EIF4E: variants seen among roughly 807,000 people sequenced by gnomAD.
The protein encoded by EIF4E is eIF-4F 25 kDa subunit.
For synonymous variants in EIF4E, 71 were observed against 88.5 expected, an observed-to-expected ratio of 0.80 and a Z score of 1.11; for missense variants, 113 against 265.6, an observed-to-expected ratio of 0.43 and a Z score of 3.99.
At chr4:98,906,195 C>T (rs905843411) in intron 1 of EIF4E, among the ~76,000 whole-genome samples, 2 of 151,400 alleles carry the variant, frequency 1.3e-5, no homozygotes, top group Non-Finnish European at 2.9e-5. Context: ...TATCTACTTA[C>T]TCACAGGAAC....
intron 1 of EIF4E, among the ~76,000 whole-genome samples, chr4:98,917,236 G>C (rs905954572): frequency 3.3e-5 from 5 of 151,366 alleles, no homozygotes; most frequent in Non-Finnish European, 7.4e-5. Context: ...TTTATGCCCT[G>C]CTAACTGTAT....
intron 5 of EIF4E, 190 bp downstream of exon 5, chr4:98,886,889 A>G (rs1723942258): frequency 3.5e-6 from 2 of 567,136 alleles, no homozygotes; most frequent in East Asian, 3.3e-5. Context: ...TCTGACTTAT[A>G]ATGTGGTAGG....
At chr4:98,916,430 G>A (rs2110216427) in intron 1 of EIF4E, among the ~76,000 whole-genome samples, 1 of 152,124 alleles carries the variant, frequency 6.6e-6, no homozygotes, top group African/African-American at 2.4e-5. Flanking sequence ...TAATATCTGA[G>A]TAACTGTTTC....
chr4:98,893,068 T>G (rs998087304), intron 2 of EIF4E, among the ~76,000 whole-genome samples: 7 of 152,154 alleles, frequency 4.6e-5, no homozygotes, highest in African/African-American at 1.7e-4. Flanking sequence ...TCACACAAAT[T>G]TTTTGGTTTC....
At chr4:98,922,308 A>G (rs997518769) in intron 1 of EIF4E, among the ~76,000 whole-genome samples, 4 of 152,202 alleles carry the variant, frequency 2.6e-5, no homozygotes, top group African/African-American at 9.7e-5. Context: ...CTGTAATCCC[A>G]GCACTTTGGG....
At chr4:98,910,332 A>C (rs1053391861) in intron 1 of EIF4E, among the ~76,000 whole-genome samples, 5 of 152,220 alleles carry the variant, frequency 3.3e-5, no homozygotes, top group Admixed American at 1.3e-4. Context: ...TTCATGTAAA[A>C]GTCCCTGAGA....
At chr4:98,925,579 A>G (rs1459563090) in intron 1 of EIF4E, among the ~76,000 whole-genome samples, 3 of 152,212 alleles carry the variant, frequency 2.0e-5, no homozygotes, top group African/African-American at 7.2e-5. Flanking sequence ...AACAAATTTA[A>G]TATTTGTGGG....
At chr4:98,884,762 C>A (rs555234284) in intron 6 of EIF4E, among the ~76,000 whole-genome samples, 160 bp downstream of exon 6, 1 of 151,874 alleles carries the variant, frequency 6.6e-6, no homozygotes, top group Non-Finnish European at 1.5e-5. Context: ...CAAGACGTTG[C>A]GCACCAATTG....
chr4:98,888,772 A>T (rs908180923), intron 3 of EIF4E, among the ~76,000 whole-genome samples: 1 of 152,174 alleles, frequency 6.6e-6, no homozygotes, highest in Non-Finnish European at 1.5e-5. Flanking sequence ...GGCAGAAATA[A>T]TGATCTTAGC....
At chr4:98,920,685 AC>A (rs1725608157) in intron 1 of EIF4E, among the ~76,000 whole-genome samples, 1 of 152,192 alleles carries the variant, frequency 6.6e-6, no homozygotes, top group African/African-American at 2.4e-5. Context: ...AAGAAAAAAA[AC>A]AAAAAATAAA....
intron 1 of EIF4E, among the ~76,000 whole-genome samples, chr4:98,905,602 T>C (rs373505807): frequency 1.3e-5 from 2 of 152,228 alleles, no homozygotes; most frequent in African/African-American, 4.8e-5. Flanking sequence ...AGCCATTAAC[T>C]AGAAGGTCAA....
At chr4:98,909,229 G>C (rs1407046788) in intron 1 of EIF4E, among the ~76,000 whole-genome samples, 1 of 152,100 alleles carries the variant, frequency 6.6e-6, no homozygotes, top group Non-Finnish European at 1.5e-5. Flanking sequence ...AATACCCATT[G>C]GTCAAATATC....
rs762294217 is a variant in EIF4E at position 98,909,631 on chromosome 4, A to C, written c.19-7649T>G. 26 of 694,900 alleles carry C rather than the reference A, an allele frequency of 3.7e-5. 1 individual carries two copies. In the South Asian group the frequency reaches 4.2e-4, roughly 11 times the overall value. The allele number at this position is 694,900 out of a possible 1,614,324, so 43.0% of individuals were successfully genotyped here. A position where few individuals can be genotyped will look rare whatever the true frequency, so the allele number is the denominator to read the frequency against. On this transcript the variant is annotated intron_variant, in intron 1 of 6. Coordinates refer to ENST00000450253, the MANE Select transcript of EIF4E (RefSeq NM_001968.5). ...TTCACTTTCTAAAATCTGCCAAAGA[A>C]CAGTATATGCAGCTTCCAACCTGTG...
At position 98,880,549 on chromosome 4, in the gene EIF4E, G is replaced by T. The variant is rs1723636303; in HGVS notation, c.*479C>A. 1 of 107,204 alleles carries T rather than the reference G, an allele frequency of 9.3e-6. No homozygotes were observed. The highest frequency in any genetic ancestry group is 1.1e-4 in the Admixed American group (1 of 8,800). 6.6% of individuals were successfully genotyped at this position (107,204 alleles called of 1,614,324 possible). The stretch of plus-strand genomic sequence containing the variant: ...TCTAGCAGCCATCAGCAAGAGTACA[G>T]CAAAGACAATGCTGTAAAAAGAAAC... On this transcript the variant is annotated 3_prime_UTR_variant, in exon 7 of 7. Coordinates refer to ENST00000450253, the MANE Select transcript of EIF4E (RefSeq NM_001968.5).
chr4:98,915,697 T>C (rs1283313075), intron 1 of EIF4E, among the ~76,000 whole-genome samples: 1 of 151,680 alleles, frequency 6.6e-6, no homozygotes, highest in East Asian at 2.0e-4. Flanking sequence ...CCCGCCACCA[T>C]GCCCAGCTAA....
chr4:98,924,343 C>A (rs1725781886), intron 1 of EIF4E, among the ~76,000 whole-genome samples: 1 of 152,214 alleles, frequency 6.6e-6, no homozygotes, highest in South Asian at 2.1e-4. Flanking sequence ...TCCCAAAGTG[C>A]TGGGATTACA....
chr4:98,917,083 A>AAC (rs751653561), intron 1 of EIF4E, among the ~76,000 whole-genome samples: 1,800 of 102,936 alleles, frequency 0.017, 18 homozygotes, highest in Non-Finnish European at 0.024. Context: ...ACCTTTTCTA[A>AAC]ACACACACAC....
chr4:98,901,070 CT>C (rs1392094577), intron 2 of EIF4E, among the ~76,000 whole-genome samples: 1 of 152,174 alleles, frequency 6.6e-6, no homozygotes, highest in Non-Finnish European at 1.5e-5. Flanking sequence ...TCAGCACGGA[CT>C]TTTTTAAAAG....
intron 1 of EIF4E, among the ~76,000 whole-genome samples, chr4:98,921,941 AT>A (rs1446451653): frequency 6.6e-6 from 1 of 152,220 alleles, no homozygotes; most frequent in Non-Finnish European, 1.5e-5. Context: ...CTAAAACACG[AT>A]TGGTGTAATT....
Sources: allele counts gnomAD v4.1 joint callset (sites outside exome capture counted in the v4.1 genomes callset), GRCh38; gene constraint gnomAD v4.1.1; transcripts MANE v1.5; gene names NCBI Gene and HGNC (gene_info 2026-07-23, HGNC 2026-07-21).